CALN1: variants seen among roughly 807,000 people sequenced by gnomAD.
The protein encoded by CALN1 is calneuron 1.
A neutral mutation model predicts 30.6 loss-of-function variants in CALN1; 17 were observed. The ratio of observed to expected loss-of-function variants is 0.56; its 90% CI spans 0.38 to 0.83. The LOEUF (loss-of-function observed/expected upper bound fraction) is 0.83. CALN1 is among the 40% of genes least tolerant of loss of function. The pLI is 0.00. For synonymous variants in CALN1, 156 were observed against 131.4 expected (o/e 1.19, Z -1.28); for missense variants, 291 against 354.9 (o/e 0.82, Z 1.45).
intron 3 of CALN1, among the ~76,000 whole-genome samples, chr7:72,239,128 G>A (rs1794672981): frequency 2.6e-5 from 4 of 152,128 alleles, no homozygotes; most frequent in African/African-American, 9.7e-5. Flanking sequence ...TGGGAAAAGT[G>A]GCTCATGCCT....
intron 2 of CALN1, among the ~76,000 whole-genome samples, chr7:72,390,970 A>G (rs1331494943): frequency 6.6e-6 from 1 of 152,170 alleles, no homozygotes; most frequent in Non-Finnish European, 1.5e-5. Flanking sequence ...GTACCCTTAA[A>G]ATATATTTTT....
At chr7:72,312,518 G>A (rs940453997) in intron 2 of CALN1, among the ~76,000 whole-genome samples, 1 of 152,046 alleles carries the variant, frequency 6.6e-6, no homozygotes, top group African/African-American at 2.4e-5. Context: ...CTTTGCAGTT[G>A]AGGGGGCAGA....
chr7:72,335,246 T>C (rs771008066), intron 2 of CALN1, among the ~76,000 whole-genome samples: 4 of 152,254 alleles, frequency 2.6e-5, no homozygotes, highest in African/African-American at 4.8e-5. Flanking sequence ...CGTCCTGTTC[T>C]AGCCTCAAGA....
intron 5 of CALN1, among the ~76,000 whole-genome samples, chr7:71,956,227 A>T (rs554372011): frequency 1.3e-5 from 2 of 152,040 alleles, no homozygotes; most frequent in South Asian, 4.2e-4. Flanking sequence ...ACCTCAAGCG[A>T]TCCTCACTCC....
chr7:71,923,274 C>G (rs1795077478), intron 5 of CALN1, among the ~76,000 whole-genome samples: 1 of 152,146 alleles, frequency 6.6e-6, no homozygotes, highest in Non-Finnish European at 1.5e-5. Context: ...ATGATTACTT[C>G]TGTGCTCTGT....
intron 3 of CALN1, among the ~76,000 whole-genome samples, chr7:72,232,173 T>C (rs1794152768): frequency 6.6e-6 from 1 of 152,088 alleles, no homozygotes; most frequent in Admixed American, 6.5e-5. Flanking sequence ...GCAGAGAGGA[T>C]GTAGGAGCAT....
At chr7:72,008,543 A>T (rs1053338836) in intron 5 of CALN1, among the ~76,000 whole-genome samples, 1 of 152,146 alleles carries the variant, frequency 6.6e-6, no homozygotes, top group Non-Finnish European at 1.5e-5. Flanking sequence ...GAATGAAAAC[A>T]GAGAAAAAAG....
At chr7:72,158,504 G>C (rs1206688954) in intron 3 of CALN1, among the ~76,000 whole-genome samples, 1 of 152,172 alleles carries the variant, frequency 6.6e-6, no homozygotes, top group East Asian at 1.9e-4. Context: ...AGCTGAAAAT[G>C]CCAGAAACTC....
intron 3 of CALN1, among the ~76,000 whole-genome samples, chr7:72,247,356 T>C (rs1357304529): frequency 2.1e-5 from 3 of 140,936 alleles, no homozygotes; most frequent in Non-Finnish European, 4.5e-5. Flanking sequence ...CACGCCATTC[T>C]CCTGCCTCAC....
chr7:72,026,608 G>T (rs1464310867), intron 4 of CALN1, among the ~76,000 whole-genome samples: 2 of 151,800 alleles, frequency 1.3e-5, no homozygotes, highest in Non-Finnish European at 2.9e-5. Context: ...TAGAGAGGGG[G>T]TCTTGCTATG....
rs1247558936 is a variant in CALN1, at chr7:72,396,814, C to CA, written c.119+6436dup. On this transcript the variant is annotated intron_variant, in intron 2 of 6. Transcript: ENST00000395275. ...AGACCTGACCACTAGAACCATGACTCACACTGAGAACTTCGTTGAGGTTGA... is the reference window on the plus strand; with the variant it reads ...AGACCTGACCACTAGAACCATGACTCAACACTGAGAACTTCGTTGAGGTTGA... Among the ~76,000 whole-genome samples the CA allele has an allele frequency of 2.6e-5, 4 of 152,268 alleles. No homozygotes were observed. The South Asian group carries it at 8.3e-4, about 32-fold the overall frequency.
chr7:72,174,988 T>A (rs1283372033), intron 3 of CALN1, among the ~76,000 whole-genome samples: 1 of 151,984 alleles, frequency 6.6e-6, no homozygotes, highest in African/African-American at 2.4e-5. Flanking sequence ...GGTGGTAGTA[T>A]TATAGGTATA....
chr7:72,062,357 C>T lies in CALN1; in HGVS notation c.389-38588G>A, dbSNP rs369578268. On this transcript the variant is annotated intron_variant, in intron 4 of 6. Transcript: ENST00000395275. ...GAAGCCTCATCTCTACTAAAAAATA[C>T]GAAAATTAGCTGGATGTGGTGGTGT... Among the ~76,000 whole-genome samples, 861 of 151,610 alleles carry T rather than the reference C, an allele frequency of 5.7e-3. 3 individuals carry two copies. The highest frequency in any genetic ancestry group is 0.02 in the African/African-American group (808 of 41,372).
At chr7:72,223,297 T>A (rs1322793617) in intron 3 of CALN1, among the ~76,000 whole-genome samples, 5 of 152,028 alleles carry the variant, frequency 3.3e-5, no homozygotes, top group Admixed American at 3.3e-4. Flanking sequence ...AGAATTAAAG[T>A]CTGAAGGAAT....
At chr7:72,240,916 T>C (rs552515914) in intron 3 of CALN1, among the ~76,000 whole-genome samples, 1 of 152,316 alleles carries the variant, frequency 6.6e-6, no homozygotes, top group East Asian at 1.9e-4. Context: ...GACAAATATT[T>C]GGTTTTTAAA....
intron 3 of CALN1, among the ~76,000 whole-genome samples, chr7:72,244,107 G>A (rs1032857787): frequency 2.0e-5 from 3 of 152,250 alleles, no homozygotes; most frequent in African/African-American, 7.2e-5. Context: ...CACATAGAAG[G>A]TACAATGCAT....
chr7:72,328,855 C>A (rs1188788511), intron 2 of CALN1, among the ~76,000 whole-genome samples: 1 of 152,196 alleles, frequency 6.6e-6, no homozygotes, highest in Non-Finnish European at 1.5e-5. Flanking sequence ...ACCACCATGC[C>A]CAGCTAGTTT....
chr7:72,344,030 T>C (rs867019585), intron 2 of CALN1, among the ~76,000 whole-genome samples: 1 of 152,142 alleles, frequency 6.6e-6, no homozygotes, highest in Non-Finnish European at 1.5e-5. Flanking sequence ...TTTTTTTTTA[T>C]TTTTTAATTT....
intron 5 of CALN1, among the ~76,000 whole-genome samples, chr7:71,946,596 A>G (rs1663960369): frequency 6.6e-6 from 1 of 152,102 alleles, no homozygotes; most frequent in Non-Finnish European, 1.5e-5. Flanking sequence ...TCCTGGGCTC[A>G]AGCAATCCTC....
Sources: gnomAD v4.1 joint callset for allele counts (sites outside exome capture counted in the v4.1 genomes callset) on GRCh38, gnomAD v4.1.1 for gene constraint, MANE v1.5 for transcripts, NCBI Gene and HGNC (gene_info 2026-07-23, HGNC 2026-07-21) for gene names.